Variants in AFG2B observed in about 807,000 individuals in gnomAD.
AFG2B encodes ATPase family gene 2 protein homolog B.
chr15:45,403,336 G>A, the AFG2B span: 3 of 1,605,946 alleles, frequency 1.9e-6, no homozygotes, highest in Non-Finnish European at 1.7e-6. Flanking sequence ...CCTCTTCCTG[G>A]ACGAGATGGA....
At chr15:45,414,352 T>C in the AFG2B span, among the ~76,000 whole-genome samples, 1 of 152,220 alleles carries the variant, frequency 6.6e-6, no homozygotes, top group Non-Finnish European at 1.5e-5. Context: ...AGTTTGGATT[T>C]GGATTTTATT....
chr15:45,415,611 A>T, the AFG2B span: 1 of 1,614,010 alleles, frequency 6.2e-7, no homozygotes, highest in Non-Finnish European at 8.5e-7. Flanking sequence ...AAGAGCAAGC[A>T]CTCCAGCAAT....
At chr15:45,419,997 C>CCCCCCCCCACAA in the AFG2B span, among the ~76,000 whole-genome samples, 1 of 53,710 alleles carries the variant, frequency 1.9e-5, no homozygotes, top group Non-Finnish European at 3.4e-5. Context: ...CCCCCCCCCC[C>CCCCCCCCCACAA]AAAAAAAAAA....
At chr15:45,408,608 GCTAA>G in the AFG2B span, among the ~76,000 whole-genome samples, 1 of 152,172 alleles carries the variant, frequency 6.6e-6, no homozygotes, top group East Asian at 1.9e-4. Context: ...CATTGGTGAT[GCTAA>G]CTTTTATCAA....
the AFG2B span, among the ~76,000 whole-genome samples, chr15:45,403,700 T>A: frequency 3.3e-5 from 5 of 152,146 alleles, no homozygotes; most frequent in Admixed American, 2.0e-4. Flanking sequence ...AGGACCTGTA[T>A]TTCCCCAGAG....
the AFG2B span, chr15:45,416,036 C>A: frequency 6.6e-6 from 2 of 304,438 alleles, no homozygotes; most frequent in Non-Finnish European, 1.2e-5. Flanking sequence ...TTTATTTTTC[C>A]TAAGAATGAG....
At chr15:45,414,976 T>C in the AFG2B span, among the ~76,000 whole-genome samples, 2 of 152,182 alleles carry the variant, frequency 1.3e-5, no homozygotes, top group Admixed American at 6.5e-5. Flanking sequence ...AACATTTTGG[T>C]GAATTTCCTT....
chr15:45,407,265 G>T, the AFG2B span: 2 of 1,176,038 alleles, frequency 1.7e-6, no homozygotes, highest in Non-Finnish European at 2.1e-6. Flanking sequence ...CCAGCTGAGG[G>T]GCTGCTGCTA....
At chr15:45,403,519 G>T in the AFG2B span, 1 of 1,603,264 alleles carries the variant, frequency 6.2e-7, no homozygotes. Flanking sequence ...TGACCGAGAG[G>T]TGAATGGGCT....
the AFG2B span, chr15:45,403,067 G>C: frequency 3.9e-6 from 6 of 1,540,102 alleles, no homozygotes; most frequent in Non-Finnish European, 5.2e-6. Context: ...GACTCGCTGC[G>C]GGAGCTCCTC....
At chr15:45,417,097 G>GT in the AFG2B span, 1 of 674,024 alleles carries the variant, frequency 1.5e-6, no homozygotes, top group Admixed American at 3.0e-5. Flanking sequence ...TTAATGATTT[G>GT]TTTCTGGGAT....
chr15:45,408,392 A>G, the AFG2B span, among the ~76,000 whole-genome samples: 3 of 152,076 alleles, frequency 2.0e-5, no homozygotes, highest in Non-Finnish European at 4.4e-5. Context: ...ATCTCCATAT[A>G]TATGTATTTA....
the AFG2B span, chr15:45,403,123 G>C: frequency 6.7e-7 from 1 of 1,489,712 alleles, no homozygotes; most frequent in Non-Finnish European, 8.9e-7. Flanking sequence ...GCTGGGCTTA[G>C]CGGTGCCTCG....
the AFG2B span, chr15:45,403,576 C>A: frequency 3.2e-6 from 5 of 1,575,766 alleles, no homozygotes; most frequent in South Asian, 5.8e-5. Context: ...CTTCTGGCGC[C>A]ATTTGGCTGC....
the AFG2B span, chr15:45,417,086 G>A: frequency 1.1e-5 from 7 of 608,990 alleles, no homozygotes; most frequent in Non-Finnish European, 1.9e-5. Context: ...TAGCTCTTTG[G>A]TTAATGATTT....
At chr15:45,402,836 A>C in the AFG2B span, 2 of 1,598,240 alleles carry the variant, frequency 1.3e-6, no homozygotes, top group East Asian at 4.5e-5. Flanking sequence ...GAGGCGGCAC[A>C]GGAGCTGCTG....
chr15:45,408,694 G>T, the AFG2B span, among the ~76,000 whole-genome samples: 3 of 152,194 alleles, frequency 2.0e-5, no homozygotes. Flanking sequence ...TGAGAAATCT[G>T]TGGGGAGACA....
At chr15:45,414,852 T>A in the AFG2B span, 1 of 1,317,150 alleles carries the variant, frequency 7.6e-7, no homozygotes, top group Non-Finnish European at 1.1e-6. Flanking sequence ...CAAACCTTTT[T>A]AAAAATATTA....
the AFG2B span, among the ~76,000 whole-genome samples, chr15:45,416,201 G>C: frequency 6.6e-6 from 1 of 152,218 alleles, no homozygotes; most frequent in South Asian, 2.1e-4. Context: ...CAAGGCAGAA[G>C]GGTTGCTTGA....
Sources: allele counts gnomAD v4.1 joint callset (sites outside exome capture counted in the v4.1 genomes callset), GRCh38; gene constraint gnomAD v4.1.1; transcripts MANE v1.5; gene names NCBI Gene and HGNC (gene_info 2026-07-23, HGNC 2026-07-21).